Variants in WWP1 observed in about 807,000 individuals in gnomAD.
WWP1 encodes NEDD4-like E3 ubiquitin-protein ligase WWP1.
A neutral mutation model predicts 130.6 loss-of-function variants in WWP1; 49 were observed. That is an observed-to-expected ratio of 0.38 (90% CI 0.30 to 0.48). WWP1 has a LOEUF of 0.48. Ranked by LOEUF, WWP1 falls within the 20% of genes least tolerant of loss-of-function variation. The pLI is 0.99. For missense variants in WWP1, 809 were observed against 1,100.6 expected (o/e 0.74, Z 3.75); for synonymous variants, 332 against 367.8 (o/e 0.90, Z 1.11).
chr8:86,445,605 G>A (rs371937284), intron 18 of WWP1, among the ~76,000 whole-genome samples: 12 of 152,194 alleles, frequency 7.9e-5, no homozygotes, highest in African/African-American at 2.9e-4. Context: ...TGTGAGTAGC[G>A]CTGTGGGGAA....
intron 1 of WWP1, among the ~76,000 whole-genome samples, chr8:86,363,794 CAAAAA>C (rs375454489): frequency 1.7e-5 from 1 of 57,580 alleles, no homozygotes; most frequent in Non-Finnish European, 3.5e-5. Flanking sequence ...GACTCCATCT[CAAAAA>C]AAAAAAAAAA....
At chr8:86,368,250 C>CA in intron 1 of WWP1, among the ~76,000 whole-genome samples, 1 of 152,232 alleles carries the variant, frequency 6.6e-6, no homozygotes, top group Admixed American at 6.5e-5. Flanking sequence ...TCTACTGCTA[C>CA]AGGAAATGAG....
intron 20 of WWP1, among the ~76,000 whole-genome samples, chr8:86,451,057 A>G (rs1261138246): frequency 6.6e-6 from 1 of 151,142 alleles, no homozygotes; most frequent in Non-Finnish European, 1.5e-5. Flanking sequence ...ACAAAAATAA[A>G]TAAATAAATA....
At chr8:86,377,443 C>G (rs1235175533) in intron 3 of WWP1, among the ~76,000 whole-genome samples, 1 of 152,014 alleles carries the variant, frequency 6.6e-6, no homozygotes, top group Non-Finnish European at 1.5e-5. Flanking sequence ...TAAGACCCCT[C>G]TAATATTGCA....
chr8:86,381,038 C>A (rs1304757470), intron 4 of WWP1, among the ~76,000 whole-genome samples, 174 bp downstream of exon 4: 9 of 151,668 alleles, frequency 5.9e-5, no homozygotes, highest in Admixed American at 5.9e-4. Context: ...GGGGAGGATG[C>A]ATAATAATGC....
intron 17 of WWP1, 71 bp from the exon 18 acceptor site, chr8:86,442,548 A>C (rs1240156622): frequency 2.2e-6 from 3 of 1,377,024 alleles, no homozygotes; most frequent in Non-Finnish European, 2.9e-6. Context: ...TGTATATATG[A>C]ATATATTTAA....
intron 17 of WWP1, among the ~76,000 whole-genome samples, chr8:86,441,169 T>G (rs973630825): frequency 2.0e-5 from 3 of 152,230 alleles, no homozygotes; most frequent in African/African-American, 7.2e-5. Context: ...AAAAATTATC[T>G]GAAGCATCTG....
At chr8:86,353,452 T>G (rs575666690) in intron 1 of WWP1, among the ~76,000 whole-genome samples, 1 of 152,248 alleles carries the variant, frequency 6.6e-6, no homozygotes, top group Admixed American at 6.5e-5. Context: ...TCAATTTGAG[T>G]AGAAAGGATT....
intron 7 of WWP1, among the ~76,000 whole-genome samples, chr8:86,401,563 A>G (rs1221745477): frequency 6.6e-6 from 1 of 152,076 alleles, no homozygotes; most frequent in African/African-American, 2.4e-5. Context: ...AAAAAAAAAA[A>G]AAGTTTACAG....
intron 1 of WWP1, among the ~76,000 whole-genome samples, chr8:86,353,192 A>G (rs1204649800): frequency 6.6e-6 from 1 of 151,756 alleles, no homozygotes; most frequent in Non-Finnish European, 1.5e-5. Context: ...TTTTAAATTA[A>G]TGAAAGAAAC....
Position 86,461,204 on chromosome 8 carries a change from T to C in WWP1, c.2500-20T>C, listed in dbSNP as rs1554576671. 6.3e-7 allele frequency: 1 copy of C among 1,581,878 alleles called. No homozygotes were observed. On this transcript the variant is annotated intron_variant, in intron 22 of 24. Transcript: ENST00000517970. Reference sequence around the variant, plus strand: ...GATAGTTTAGCATTTCATATTAAAGTACATTTAATTTCATTACAGTTTGTG... The same window carrying C: ...GATAGTTTAGCATTTCATATTAAAGCACATTTAATTTCATTACAGTTTGTG...
rs1554570346 is a variant in WWP1 at position 86,424,847 on chromosome 8, G to GC, written c.1062-376_1062-375insC. Among the ~76,000 whole-genome samples the GC allele has an allele frequency of 4.0e-3, 218 of 54,902 alleles. 9 individuals carry two copies. Among genetic ancestry groups the GC allele is most frequent in the African/African-American group, 0.016 (199 of 12,274 alleles). 36.0% of individuals were successfully genotyped at this position (54,902 alleles called of 152,430 possible). Reference sequence around the variant, plus strand: ...GAGAGGGAGAGGGAGGGGGAGGGGAGGGGAGGGGGAGGGGGAGGGGAGGGG... The same window carrying GC: ...GAGAGGGAGAGGGAGGGGGAGGGGAGCGGGAGGGGGAGGGGGAGGGGAGGGG... On this transcript the variant is annotated intron_variant, in intron 9 of 24. Transcript: ENST00000517970.
intron 22 of WWP1, 114 bp from the exon 23 acceptor site, chr8:86,461,110 T>C: frequency 3.0e-6 from 3 of 997,808 alleles, no homozygotes; most frequent in Non-Finnish European, 4.5e-6. Context: ...CGCCCAACCT[T>C]TAGCACATCT....
chr8:86,409,405 T>C (rs1808461462), intron 8 of WWP1, among the ~76,000 whole-genome samples: 1 of 150,612 alleles, frequency 6.6e-6, no homozygotes, highest in Non-Finnish European at 1.5e-5. Flanking sequence ...CAGCTAATTT[T>C]CCTATTTTTT....
intron 1 of WWP1, among the ~76,000 whole-genome samples, chr8:86,351,617 A>G (rs1288859506): frequency 6.6e-6 from 1 of 150,808 alleles, no homozygotes; most frequent in Non-Finnish European, 1.5e-5. Flanking sequence ...GGCATGAGCC[A>G]CCAGGCCTGG....
intron 2 of WWP1, among the ~76,000 whole-genome samples, chr8:86,371,217 A>G (rs796290890): frequency 5.9e-5 from 9 of 151,876 alleles, no homozygotes; most frequent in African/African-American, 2.2e-4. Flanking sequence ...CGTTCTCACT[A>G]CTATATAATG....
At chr8:86,343,607 G>A (rs551560323) in intron 1 of WWP1, among the ~76,000 whole-genome samples, 5 of 152,166 alleles carry the variant, frequency 3.3e-5, no homozygotes, top group African/African-American at 1.2e-4. Flanking sequence ...ACCTTTAAAT[G>A]ATCAGTCTTG....
At chr8:86,379,973 G>A (rs1423616274) in intron 3 of WWP1, among the ~76,000 whole-genome samples, 1 of 152,116 alleles carries the variant, frequency 6.6e-6, no homozygotes, top group African/African-American at 2.4e-5. Flanking sequence ...ACTCAACAGA[G>A]GGTTATCACA....
Position 86,431,490 on chromosome 8 carries a change from G to T in WWP1, c.1472G>T (p.Gly491Val). Residue 491 changes from glycine (G) to valine (V), a missense_variant and splice_region_variant, in exon 13 of 25, where the codon GGC (glycine) becomes GTC (valine). Coordinates refer to ENST00000517970, the MANE Select transcript of WWP1 (RefSeq NM_007013.4). ...TTQWEDPRTQ[G>V]LQNEEPLPEG... ...CAGTGGGAAGATCCAAGAACTCAAG[G>T]GTATGTATATACAGCAGCCTTAAGT... 6.2e-7 allele frequency: 1 copy of T among 1,611,878 alleles called. No individual in the cohort carries two copies. The highest frequency in any genetic ancestry group is 8.5e-7 in the Non-Finnish European group (1 of 1,178,966).
Sources: gnomAD v4.1 joint callset for allele counts (sites outside exome capture counted in the v4.1 genomes callset) on GRCh38, gnomAD v4.1.1 for gene constraint, MANE v1.5 for transcripts, NCBI Gene and HGNC (gene_info 2026-07-23, HGNC 2026-07-21) for gene names.